The following UGT1A4 variants were observed in gnomAD, a reference collection of about 807,000 sequenced individuals.
The protein encoded by UGT1A4 is UDP glucuronosyltransferase family 1 member A4.
In UGT1A4, 32 loss-of-function variants were observed where a neutral mutation model predicts 41.1. The ratio of observed to expected loss-of-function variants is 0.78; its 90% confidence interval spans 0.59 to 1.05. The LOEUF is 1.05. UGT1A4 is among the 50% of genes least tolerant of loss of function. The pLI is 0.00. For synonymous variants in UGT1A4, 283 were observed against 265.1 expected, an observed-to-expected ratio of 1.07 and a Z score of -0.66; for missense variants, 748 against 677.4, an observed-to-expected ratio of 1.10 and a Z score of -1.16.
chr2:233,765,700 A>T (rs963177783), intron 1 of UGT1A4, among the ~76,000 whole-genome samples: 1 of 146,346 alleles, frequency 6.8e-6, no homozygotes, highest in African/African-American at 2.7e-5. Flanking sequence ...AGTAAATAAT[A>T]ATAATAATAA....
At position 233,719,071 on chromosome 2, in the gene UGT1A4, G is replaced by A; in HGVS notation, c.251G>A (p.Trp84Ter). 1 of 1,614,278 alleles carries A rather than the reference G, an allele frequency of 6.2e-7. No individual in the cohort carries two copies. ...FFTLTAYAVPWTQKEFDRVTL... is the reference protein window; with the variant it reads ...FFTLTAYAVP ...ACCCTGACAGCCTATGCTGTTCCAT[G>A]GACCCAGAAGGAATTTGATCGCGTT... The change falls in exon 1 of 5, where the codon TGG becomes TAG. Residue 84 changes from tryptophan to a stop codon, truncating the protein, a stop_gained. Transcript: ENST00000373409. LOFTEE classifies it high-confidence loss of function.
chr2:233,741,733 T>C (rs968212915), intron 1 of UGT1A4: 2 of 151,882 alleles, frequency 1.3e-5, no homozygotes, highest in African/African-American at 4.9e-5. Flanking sequence ...TCCAAACCCA[T>C]ATCACACTCT....
At chr2:233,733,123 G>A (rs1024576772) in intron 1 of UGT1A4, among the ~76,000 whole-genome samples, 1 of 152,178 alleles carries the variant, frequency 6.6e-6, no homozygotes. Context: ...TGTTATTGGT[G>A]TATAGGAATG....
intron 4 of UGT1A4, chr2:233,770,929 T>C (rs1212453952): frequency 6.6e-6 from 1 of 152,194 alleles, no homozygotes; most frequent in African/African-American, 2.4e-5. Context: ...CTGACATCAC[T>C]TGGCTGCCGG....
At chr2:233,728,849 G>A (rs1362831575) in intron 1 of UGT1A4, among the ~76,000 whole-genome samples, 2 of 152,182 alleles carry the variant, frequency 1.3e-5, no homozygotes, top group East Asian at 3.8e-4. Context: ...TTGGGAATTG[G>A]ATGAGAAACA....
chr2:233,736,601 G>A (rs528906604), intron 1 of UGT1A4, among the ~76,000 whole-genome samples: 6 of 152,098 alleles, frequency 3.9e-5, no homozygotes, highest in Non-Finnish European at 8.8e-5. Flanking sequence ...TATGCGCTAT[G>A]GTTTTTAGAA....
At chr2:233,721,924 G>A (rs2076980343) in intron 1 of UGT1A4, 1 of 395,850 alleles carries the variant, frequency 2.5e-6, no homozygotes, top group East Asian at 7.1e-5. Context: ...TCCATAAAGT[G>A]ACATCCTTCA....
At position 233,761,942 on chromosome 2, in the gene UGT1A4, C is replaced by T. The variant is rs912615378; in HGVS notation, c.868-5092C>T. ...CAGCCCAGGCACTTCCCAGGTGCTG[C>T]GTCTGGCTCCCATTAAGGGGACTGA... On this transcript the variant is annotated intron_variant, in intron 1 of 4. Coordinates refer to ENST00000373409, the MANE Select transcript of UGT1A4 (RefSeq NM_007120.3). Among the ~76,000 whole-genome samples the T allele has an allele frequency of 2.6e-5, 4 of 152,302 alleles. No homozygotes were observed. The South Asian group carries it at 8.3e-4, about 32-fold the overall frequency.
chr2:233,764,014 A>C (rs28900399), intron 1 of UGT1A4, among the ~76,000 whole-genome samples: 1 of 152,334 alleles, frequency 6.6e-6, no homozygotes, highest in Non-Finnish European at 1.5e-5. Flanking sequence ...GATGACCCAC[A>C]TGGTGTCTAA....
At chr2:233,732,639 A>G (rs1283662238) in intron 1 of UGT1A4, among the ~76,000 whole-genome samples, 1 of 151,906 alleles carries the variant, frequency 6.6e-6, no homozygotes, top group Non-Finnish European at 1.5e-5. Context: ...TATTTCTGAG[A>G]CCACTGTTCT....
intron 4 of UGT1A4, among the ~76,000 whole-genome samples, chr2:233,768,657 G>A (rs1265555530): frequency 7.1e-6 from 1 of 141,016 alleles, no homozygotes; most frequent in East Asian, 2.1e-4. Context: ...TGCAATCTTG[G>A]CTTACTGCAA....
At chr2:233,742,882 C>A (rs1692122938) in intron 1 of UGT1A4, 1 of 164,914 alleles carries the variant, frequency 6.1e-6, no homozygotes, top group Non-Finnish European at 1.3e-5. Flanking sequence ...ACCTGGCTCA[C>A]ACTTTCCCAA....
chr2:233,765,861 A>G (rs1698967280), intron 1 of UGT1A4, among the ~76,000 whole-genome samples: 1 of 152,118 alleles, frequency 6.6e-6, no homozygotes, highest in African/African-American at 2.4e-5. Flanking sequence ...AGAGCATGTG[A>G]CAGCGGGAGG....
chr2:233,745,629 A>T (rs1334214032), intron 1 of UGT1A4, among the ~76,000 whole-genome samples: 1 of 151,506 alleles, frequency 6.6e-6, no homozygotes, highest in East Asian at 1.9e-4. Context: ...ACAGTCATAG[A>T]AAGCTGGCCG....
intron 1 of UGT1A4, chr2:233,747,636 A>C: frequency 3.8e-6 from 6 of 1,581,726 alleles, no homozygotes; most frequent in East Asian, 2.2e-5. Context: ...CAGGCACCTG[A>C]ATGCTACTTC....
In UGT1A4 at chr2:233,718,839, G is replaced by C; in HGVS notation, c.19G>C (p.Val7Leu). The C allele has an allele frequency of 1.2e-6, 2 of 1,613,658 alleles. No homozygotes were observed. Among genetic ancestry groups the C allele is most frequent in the Non-Finnish European group, 1.7e-6 (2 of 1,179,958 alleles). The change falls in exon 1 of 5, where the codon GTT becomes CTT. Residue 7 changes from valine (V) to leucine (L), a missense_variant. Transcript: ENST00000373409. ...TGCTGAGATGGCCAGAGGACTCCAG[G>C]TTCCCCTGCCGCGGCTGGCCACAGG... MARGLQ[V>L]PLPRLATGLL...
At chr2:233,764,092 C>T (rs973147823) in intron 1 of UGT1A4, among the ~76,000 whole-genome samples, 2 of 152,148 alleles carry the variant, frequency 1.3e-5, no homozygotes, top group African/African-American at 4.8e-5. Context: ...AAAGCCTAAA[C>T]TAAAAATACA....
intron 1 of UGT1A4, among the ~76,000 whole-genome samples, chr2:233,732,232 C>T (rs2078252352): frequency 6.6e-6 from 1 of 152,176 alleles, no homozygotes; most frequent in South Asian, 2.1e-4. Flanking sequence ...TTCTCCCATT[C>T]TGTAGGTTGC....
chr2:233,721,250 A>G (rs1349740606), intron 1 of UGT1A4, among the ~76,000 whole-genome samples: 1 of 152,166 alleles, frequency 6.6e-6, no homozygotes, highest in East Asian at 1.9e-4. Context: ...TAAAAAATAT[A>G]TATGTTCTTT....
Sources: gnomAD v4.1 joint callset for allele counts (sites outside exome capture counted in the v4.1 genomes callset) on GRCh38, gnomAD v4.1.1 for gene constraint, MANE v1.5 for transcripts, NCBI Gene and HGNC (gene_info 2026-07-23, HGNC 2026-07-21) for gene names.